CUBN: variants seen among roughly 807,000 people sequenced by gnomAD.
CUBN encodes 460 kDa receptor.
Under a neutral mutation model 405.3 loss-of-function variants are expected in CUBN, and 282 were observed. That is an observed-to-expected ratio of 0.70 (90% CI 0.63 to 0.77). The LOEUF is 0.77. Ranked by LOEUF, CUBN falls within the 30% of genes least tolerant of loss-of-function variation. The pLI, the probability that CUBN is intolerant of heterozygous loss-of-function variation, is 0.00. For synonymous variants in CUBN, 1,684 were observed against 1,617.0 expected, an observed-to-expected ratio of 1.04 and a Z score of -0.99; for missense variants, 4,514 against 4,475.2, an observed-to-expected ratio of 1.01 and a Z score of -0.25.
chr10:16,941,417 A>C lies in CUBN; in HGVS notation c.5343-1180T>G, dbSNP rs116212540. 1.1e-3 allele frequency among the ~76,000 whole-genome samples: 165 copies of C among 152,360 alleles called. 1 individual carries two copies. Among genetic ancestry groups the C allele is most frequent in the African/African-American group, 3.8e-3 (156 of 41,594 alleles). On this transcript the variant is annotated intron_variant, in intron 36 of 66. Transcript: ENST00000377833. ...TAGAAACATAAAGATCCTAGAAGAA[A>C]ACACGGAGAAAAATCTTTGTGACCT...
At chr10:16,991,814 A>G (rs1303579361) in intron 28 of CUBN, among the ~76,000 whole-genome samples, 2 of 152,146 alleles carry the variant, frequency 1.3e-5, no homozygotes, top group Non-Finnish European at 2.9e-5. Flanking sequence ...TAGTTCAACC[A>G]TTGTGGAAGT....
chr10:17,128,963 T>C (rs1281058840), intron 2 of CUBN, among the ~76,000 whole-genome samples, 158 bp downstream of exon 2: 1 of 152,164 alleles, frequency 6.6e-6, no homozygotes, highest in Non-Finnish European at 1.5e-5. Flanking sequence ...CCAATTACCC[T>C]GATTTGAACT....
At chr10:17,084,181 T>C (rs1836042068) in intron 17 of CUBN, 90 bp downstream of exon 17, 2 of 1,291,050 alleles carry the variant, frequency 1.5e-6, no homozygotes, top group Admixed American at 1.7e-5. Context: ...TGGCTGCTGG[T>C]GGCCCAACAA....
intron 31 of CUBN, among the ~76,000 whole-genome samples, chr10:16,966,185 G>A (rs556905912): frequency 4.6e-5 from 7 of 152,278 alleles, no homozygotes; most frequent in East Asian, 3.9e-4. Context: ...TTGGGCTCCC[G>A]TGGCTTTCCA....
intron 49 of CUBN, 53 bp from the exon 50 acceptor site, chr10:16,906,462 G>T: frequency 8.0e-7 from 1 of 1,249,930 alleles, no homozygotes; most frequent in Non-Finnish European, 1.2e-6. Context: ...AGGCCACAAC[G>T]GAAGAGATAA....
intron 62 of CUBN, among the ~76,000 whole-genome samples, chr10:16,839,256 G>A (rs1438065600): frequency 6.6e-6 from 1 of 152,136 alleles, no homozygotes; most frequent in Non-Finnish European, 1.5e-5. Flanking sequence ...ATGAAGCTTT[G>A]AGAGCTCTGG....
At chr10:16,966,464 T>TC (rs1843395593) in intron 31 of CUBN, among the ~76,000 whole-genome samples, 1 of 151,690 alleles carries the variant, frequency 6.6e-6, no homozygotes, top group Admixed American at 6.6e-5. Flanking sequence ...TTTTTTTTTT[T>TC]CTGAGACAGA....
At chr10:16,880,955 GA>G (rs1840652260) in intron 56 of CUBN, among the ~76,000 whole-genome samples, 2 of 152,194 alleles carry the variant, frequency 1.3e-5, no homozygotes, top group Admixed American at 6.5e-5. Flanking sequence ...GGACAAAAAA[GA>G]AATAAGTTAA....
chr10:17,037,875 C>T (rs1390762044), intron 27 of CUBN, among the ~76,000 whole-genome samples: 2 of 152,102 alleles, frequency 1.3e-5, no homozygotes. Flanking sequence ...ACATTGATCT[C>T]CAAGGGACCC....
intron 8 of CUBN, among the ~76,000 whole-genome samples, chr10:17,112,323 T>G (rs547988377): frequency 1.3e-5 from 2 of 152,102 alleles, no homozygotes; most frequent in African/African-American, 4.8e-5. Context: ...TGGTCCTCTG[T>G]GTGATAAGAT....
chr10:16,865,696 A>G (rs1429979357), intron 59 of CUBN, among the ~76,000 whole-genome samples: 1 of 152,168 alleles, frequency 6.6e-6, no homozygotes, highest in Admixed American at 6.5e-5. Context: ...GGGAGGATTG[A>G]AAAAAGGGCA....
Position 16,920,098 on chromosome 10 carries a change from G to A in CUBN, c.6686C>T (p.Ala2229Val), listed in dbSNP as rs1841992517. Residue 2229 changes from alanine (A) to valine (V), a missense_variant, in exon 44 of 67, where the codon GCT (alanine) becomes GTT (valine). Transcript: ENST00000377833. ...GTGGTTGGGGGAGGTCACATACCCAGCAGAATCAGCATCATGGATGTAGAC... is the reference window on the plus strand; with the variant it reads ...GTGGTTGGGGGAGGTCACATACCCAACAGAATCAGCATCATGGATGTAGAC... ...GNVYIHDADS[A>V]GYVTSPNHPH... is the part of the protein sequence containing the mutation. The A allele has an allele frequency of 6.2e-7, 1 of 1,614,014 alleles. No individual in the cohort carries two copies. Among genetic ancestry groups the A allele is most frequent in the African/African-American group, 1.3e-5 (1 of 75,034 alleles).
At chr10:16,885,903 A>G (rs1229116942) in intron 56 of CUBN, among the ~76,000 whole-genome samples, 1 of 152,238 alleles carries the variant, frequency 6.6e-6, no homozygotes, top group Non-Finnish European at 1.5e-5. Context: ...TAAAAGCTAT[A>G]AAGAAGAAAA....
intron 64 of CUBN, among the ~76,000 whole-genome samples, chr10:16,832,517 C>T (rs1356987266): frequency 6.6e-6 from 1 of 152,136 alleles, no homozygotes; most frequent in Non-Finnish European, 1.5e-5. Flanking sequence ...GACAGAGTAG[C>T]CAGTCATCCA....
chr10:17,027,451 G>T (rs1053015482), intron 27 of CUBN, among the ~76,000 whole-genome samples: 1 of 152,104 alleles, frequency 6.6e-6, no homozygotes, highest in Admixed American at 6.5e-5. Context: ...TACAAGGAGC[G>T]ATGACAGGAA....
At chr10:17,066,776 A>G (rs984474491) in intron 21 of CUBN, among the ~76,000 whole-genome samples, 2 of 152,194 alleles carry the variant, frequency 1.3e-5, no homozygotes, top group African/African-American at 2.4e-5. Flanking sequence ...TGAGAAATAA[A>G]GAAAATAAAA....
chr10:17,006,859 T>C (rs1368796233), intron 28 of CUBN, among the ~76,000 whole-genome samples: 1 of 152,158 alleles, frequency 6.6e-6, no homozygotes, highest in Non-Finnish European at 1.5e-5. Flanking sequence ...CCAGCCCCCA[T>C]TTGAGAGGCT....
intron 14 of CUBN, among the ~76,000 whole-genome samples, chr10:17,094,134 A>C (rs1836323129): frequency 6.6e-6 from 1 of 152,102 alleles, no homozygotes; most frequent in African/African-American, 2.4e-5. Context: ...AAGTTGTGGA[A>C]AATTAAATAT....
intron 19 of CUBN, among the ~76,000 whole-genome samples, chr10:17,069,575 ACT>A (rs1564502565): frequency 6.6e-6 from 1 of 151,904 alleles, no homozygotes. Flanking sequence ...ACAGGGTCTC[ACT>A]CTGTTACCCA....
Sources: allele counts gnomAD v4.1 joint callset (sites outside exome capture counted in the v4.1 genomes callset), GRCh38; gene constraint gnomAD v4.1.1; transcripts MANE v1.5; gene names NCBI Gene and HGNC (gene_info 2026-07-23, HGNC 2026-07-21).